Variants in BTBD9 observed in about 807,000 individuals in gnomAD.
BTBD9 encodes BTB/POZ domain-containing protein 9.
In BTBD9, 49 loss-of-function variants were observed where a neutral mutation model predicts 64.3. That is an observed-to-expected ratio of 0.76 (90% confidence interval 0.61 to 0.97). The LOEUF is 0.97. Ranked by LOEUF, BTBD9 falls within the 50% of genes least tolerant of loss-of-function variation. The pLI is 0.00. For missense variants in BTBD9, 598 were observed against 762.1 expected, an observed-to-expected ratio of 0.78 and a Z score of 2.53; for synonymous variants, 260 against 274.7, an observed-to-expected ratio of 0.95 and a Z score of 0.53.
At chr6:38,409,975 A>G (rs551607359) in intron 6 of BTBD9, among the ~76,000 whole-genome samples, 4 of 152,298 alleles carry the variant, frequency 2.6e-5, no homozygotes, top group African/African-American at 9.6e-5. Context: ...CATGAACCCA[A>G]TTCTGTAATC....
chr6:38,588,502 T>C (rs780259804), intron 4 of BTBD9: 13 of 828,988 alleles, frequency 1.6e-5, no homozygotes, highest in Middle Eastern at 2.5e-4. Context: ...GTCAGGGCTA[T>C]ACCAAACCTG....
chr6:38,408,060 T>C (rs1325735909), intron 6 of BTBD9, among the ~76,000 whole-genome samples: 9 of 152,168 alleles, frequency 5.9e-5, no homozygotes, highest in Non-Finnish European at 1.3e-4. Flanking sequence ...GGACACGATT[T>C]AAAATCATGG....
intron 6 of BTBD9, among the ~76,000 whole-genome samples, chr6:38,488,981 G>T (rs1221598025): frequency 6.7e-6 from 1 of 149,350 alleles, no homozygotes; most frequent in Admixed American, 6.7e-5. Flanking sequence ...CTGTAGCCTC[G>T]ACCTCCCAGG....
chr6:38,176,139 T>C (rs1182076341), intron 10 of BTBD9, among the ~76,000 whole-genome samples: 3 of 152,144 alleles, frequency 2.0e-5, no homozygotes, highest in Non-Finnish European at 4.4e-5. Flanking sequence ...GACATGCATG[T>C]GTGAGCTGTG....
intron 7 of BTBD9, among the ~76,000 whole-genome samples, chr6:38,332,246 G>C (rs1234321311): frequency 6.6e-6 from 1 of 152,096 alleles, no homozygotes; most frequent in African/African-American, 2.4e-5. Context: ...TCCTCACCTT[G>C]AGATAAGATA....
chr6:38,293,811 T>G (rs1476835779), intron 7 of BTBD9, among the ~76,000 whole-genome samples: 1 of 152,072 alleles, frequency 6.6e-6, no homozygotes, highest in Non-Finnish European at 1.5e-5. Context: ...AAAGCCAAAA[T>G]TGACAAATGG....
intron 7 of BTBD9, among the ~76,000 whole-genome samples, chr6:38,296,964 T>C (rs1036451050): frequency 1.3e-5 from 2 of 152,244 alleles, no homozygotes; most frequent in African/African-American, 2.4e-5. Flanking sequence ...AAAGAATGTA[T>C]ATTCTCTAAT....
chr6:38,472,242 A>G (rs1770682534), intron 6 of BTBD9, among the ~76,000 whole-genome samples: 1 of 152,222 alleles, frequency 6.6e-6, no homozygotes. Flanking sequence ...CAGTGCAAAT[A>G]TATAACATAT....
intron 7 of BTBD9, among the ~76,000 whole-genome samples, chr6:38,316,087 T>C (rs1255545465): frequency 6.6e-6 from 1 of 152,248 alleles, no homozygotes; most frequent in Non-Finnish European, 1.5e-5. Flanking sequence ...TTATAGATTT[T>C]GTCTTGAAAT....
chr6:38,359,534 A>G (rs1341632808), intron 6 of BTBD9, among the ~76,000 whole-genome samples: 1 of 152,212 alleles, frequency 6.6e-6, no homozygotes, highest in Non-Finnish European at 1.5e-5. Context: ...CTTACTGCCT[A>G]GAGAAACAGT....
intron 4 of BTBD9, among the ~76,000 whole-genome samples, chr6:38,586,115 C>G (rs1776510235): frequency 6.6e-6 from 1 of 152,116 alleles, no homozygotes; most frequent in Admixed American, 6.5e-5. Flanking sequence ...AGAAATTACT[C>G]TCTTTCCCCA....
intron 1 of BTBD9, among the ~76,000 whole-genome samples, chr6:38,617,481 A>C (rs1003555585): frequency 6.6e-6 from 1 of 152,088 alleles, no homozygotes; most frequent in Non-Finnish European, 1.5e-5. Flanking sequence ...TTGTAACATA[A>C]ATTTCAGGAC....
chr6:38,259,967 CATTTCCTTCAT>C (rs1380089239), intron 8 of BTBD9, among the ~76,000 whole-genome samples: 1 of 152,134 alleles, frequency 6.6e-6, no homozygotes, highest in Non-Finnish European at 1.5e-5. Flanking sequence ...GAACGTGAAT[CATTTCCTTCAT>C]TAGTCATTTC....
At chr6:38,545,778 C>CAA (rs1224870392) in intron 6 of BTBD9, among the ~76,000 whole-genome samples, 2 of 68,882 alleles carry the variant, frequency 2.9e-5, no homozygotes, top group East Asian at 4.2e-4. Flanking sequence ...GACTCCGTCT[C>CAA]AAAAAAAAAA....
At chr6:38,413,278 T>C (rs1198498106) in intron 6 of BTBD9, among the ~76,000 whole-genome samples, 2 of 152,186 alleles carry the variant, frequency 1.3e-5, no homozygotes, top group African/African-American at 4.8e-5. Context: ...GCGAGCTGGA[T>C]GAGGACAGAC....
intron 9 of BTBD9, among the ~76,000 whole-genome samples, chr6:38,238,667 G>C (rs1036361933): frequency 6.6e-6 from 1 of 151,956 alleles, no homozygotes; most frequent in Admixed American, 6.6e-5. Context: ...TAGAGACGGG[G>C]TTTCACCGTG....
rs546714894 is a variant in BTBD9, at chr6:38,258,628, C to T, written c.1455-2112G>A. 9.0e-4 allele frequency among the ~76,000 whole-genome samples: 137 copies of T among 152,284 alleles called. 1 individual carries two copies. Among genetic ancestry groups the T allele is most frequent in the African/African-American group, 3.2e-3 (135 of 41,568 alleles). On this transcript the variant is annotated intron_variant, in intron 8 of 10. Transcript: ENST00000481247. Reference sequence around the variant, plus strand: ...AATAATGGCCGGGCGCAGTGGCTCACGCCTGTAATCCCAGCACTTTGGGAG... The same window carrying T: ...AATAATGGCCGGGCGCAGTGGCTCATGCCTGTAATCCCAGCACTTTGGGAG...
Position 38,374,296 on chromosome 6 carries a change from T to TACATATATATATATATATATAC in BTBD9, c.1155-29204_1155-29203insGTATATATATATATATATATGT. Reference sequence around the variant, plus strand: ...AAAAAAAAAAAAGTATATATATATATGTATATATATGTATATATATATATA... The same window carrying TACATATATATATATATATATAC: ...AAAAAAAAAAAAGTATATATATATATACATATATATATATATATATACGTATATATATGTATATATATATATA... On this transcript the variant is annotated intron_variant, in intron 6 of 10. Coordinates refer to ENST00000481247, the MANE Select transcript of BTBD9 (RefSeq NM_001099272.2). Among the ~76,000 whole-genome samples, 3 of 70,652 alleles carry TACATATATATATATATATATAC rather than the reference T, an allele frequency of 4.2e-5. 1 individual carries two copies. Among genetic ancestry groups the TACATATATATATATATATATAC allele is most frequent in the African/African-American group, 2.8e-4 (3 of 10,752 alleles). 46.4% of individuals were successfully genotyped at this position (70,652 alleles called of 152,430 possible). A position where few individuals can be genotyped will look rare whatever the true frequency, so the allele number is the denominator to read the frequency against.
rs917293865 is a variant in BTBD9 at position 38,320,937 on chromosome 6, G to A, written c.1264+24047C>T. On this transcript the variant is annotated intron_variant, in intron 7 of 10. Coordinates refer to ENST00000481247, the MANE Select transcript of BTBD9 (RefSeq NM_001099272.2). Reference sequence around the variant, plus strand: ...TGCAAAAAACTATTAGCACCTGCTAGTGTAATATGCAGCTGGCAGTTTCAG... The same window carrying A: ...TGCAAAAAACTATTAGCACCTGCTAATGTAATATGCAGCTGGCAGTTTCAG... Among the ~76,000 whole-genome samples, 5 of 152,216 alleles carry A rather than the reference G, an allele frequency of 3.3e-5. No individual in the cohort carries two copies. In the South Asian group the frequency reaches 8.3e-4, roughly 25 times the overall value.
Sources: gnomAD v4.1 joint callset for allele counts (sites outside exome capture counted in the v4.1 genomes callset) on GRCh38, gnomAD v4.1.1 for gene constraint, MANE v1.5 for transcripts, NCBI Gene and HGNC (gene_info 2026-07-23, HGNC 2026-07-21) for gene names.